The following NAV2 variants were observed in gnomAD, a reference collection of about 807,000 sequenced individuals.
NAV2 encodes the protein neuron navigator 2.
A neutral mutation model predicts 223.2 loss-of-function variants in NAV2; 54 were observed. The ratio of observed to expected loss-of-function variants is 0.24; its 90% confidence interval spans 0.19 to 0.30. The LOEUF (loss-of-function observed/expected upper bound fraction) is 0.30. NAV2 is among the 10% of genes least tolerant of loss of function. The pLI is 1.00. For missense variants in NAV2, 2,806 were observed against 3,147.5 expected (o/e 0.89, Z 2.60); for synonymous variants, 1,279 against 1,239.3 (o/e 1.03, Z -0.67).
At chr11:19,471,716 A>T (rs2041970774) in intron 1 of NAV2, among the ~76,000 whole-genome samples, 2 of 152,216 alleles carry the variant, frequency 1.3e-5, no homozygotes, top group African/African-American at 4.8e-5. Flanking sequence ...ATTTTCAACC[A>T]GCAAACAGTA....
At chr11:19,968,471 C>T (rs991069530) in intron 10 of NAV2, among the ~76,000 whole-genome samples, 3 of 152,138 alleles carry the variant, frequency 2.0e-5, no homozygotes, top group Admixed American at 6.6e-5. Flanking sequence ...CCACCCACCT[C>T]GGCCTCCCAG....
intron 1 of NAV2, among the ~76,000 whole-genome samples, chr11:19,557,716 G>A (rs773440072): frequency 9.2e-5 from 14 of 152,310 alleles, no homozygotes; most frequent in East Asian, 1.9e-4. Context: ...GATCCACACC[G>A]AACACAGAAC....
At chr11:19,624,415 T>C (rs1477850156) in intron 1 of NAV2, among the ~76,000 whole-genome samples, 1 of 152,168 alleles carries the variant, frequency 6.6e-6, no homozygotes, top group Non-Finnish European at 1.5e-5. Flanking sequence ...AGTTCGAGCT[T>C]CCTGGCCACT....
chr11:19,657,702 C>T (rs1020142462), intron 1 of NAV2, among the ~76,000 whole-genome samples: 6 of 152,122 alleles, frequency 3.9e-5, no homozygotes, highest in South Asian at 2.1e-4. Context: ...ACCCTCCAAA[C>T]GAAGATCATC....
At chr11:19,481,384 A>G (rs148651206) in intron 1 of NAV2, among the ~76,000 whole-genome samples, 78 of 152,244 alleles carry the variant, frequency 5.1e-4, no homozygotes, top group Middle Eastern at 6.8e-3. Context: ...GAGGACATCT[A>G]TACCAATGCT....
intron 6 of NAV2, among the ~76,000 whole-genome samples, chr11:19,901,400 A>G (rs2042434272): frequency 6.6e-6 from 1 of 152,176 alleles, no homozygotes; most frequent in Non-Finnish European, 1.5e-5. Flanking sequence ...TACAAAAATT[A>G]GCTGGGTGTG....
chr11:19,356,276 G>A (rs568368099), intron 1 of NAV2, among the ~76,000 whole-genome samples: 4 of 152,204 alleles, frequency 2.6e-5, no homozygotes, highest in Admixed American at 2.6e-4. Context: ...ATAGGGTCAG[G>A]GGGGAGGATG....
chr11:20,027,530 AGACAGAGGGGCGGGGGCT>A (rs989483849), intron 11 of NAV2: 1 of 918,116 alleles, frequency 1.1e-6, no homozygotes, highest in African/African-American at 1.8e-5. Context: ...GGAAAGAGGC[AGACAGAGGGGCGGGGGCT>A]GGCCCAGACT....
intron 1 of NAV2, among the ~76,000 whole-genome samples, chr11:19,397,418 T>TGTGTGTGTGTGTGTGTGTGCGCGC (rs57566081): frequency 5.5e-5 from 8 of 145,354 alleles, no homozygotes; most frequent in African/African-American, 2.1e-4. Context: ...TGTGTGTGTG[T>TGTGTGTGTGTGTGTGTGTGCGCGC]GCGCGCATGT....
intron 1 of NAV2, among the ~76,000 whole-genome samples, chr11:19,600,119 A>G (rs1405726104): frequency 6.6e-6 from 1 of 152,216 alleles, no homozygotes; most frequent in Non-Finnish European, 1.5e-5. Context: ...AGCTGGGCTC[A>G]ATCCCACAGG....
intron 11 of NAV2, among the ~76,000 whole-genome samples, chr11:19,987,767 G>C (rs1001369995): frequency 1.3e-5 from 2 of 152,156 alleles, no homozygotes; most frequent in African/African-American, 4.8e-5. Flanking sequence ...CACTCTTTAG[G>C]GTTGCCACTC....
chr11:19,823,558 C>G lies in NAV2; in HGVS notation c.268-8926C>G, dbSNP rs184421680. ...GTTTCACCATGTTGCCTAGGTTGGT[C>G]TTAAACTCCTGGGCTCAAGCAATCT... On this transcript the variant is annotated intron_variant, in intron 1 of 37. Transcript: ENST00000349880. Among the ~76,000 whole-genome samples, 293 of 152,234 alleles carry G rather than the reference C, an allele frequency of 1.9e-3. 1 individual carries two copies. Among genetic ancestry groups the G allele is most frequent in the Non-Finnish European group, 3.2e-3 (221 of 68,020 alleles).
chr11:19,935,333 C>T (rs2045750925), intron 7 of NAV2, among the ~76,000 whole-genome samples: 1 of 152,218 alleles, frequency 6.6e-6, no homozygotes, highest in African/African-American at 2.4e-5. Context: ...AGATGCACAG[C>T]TGTACACTCA....
intron 1 of NAV2, among the ~76,000 whole-genome samples, chr11:19,728,178 C>T (rs971964099): frequency 2.0e-5 from 3 of 152,228 alleles, no homozygotes; most frequent in African/African-American, 7.2e-5. Context: ...ACTTTGGCCA[C>T]TGGCATCACC....
At chr11:20,000,766 A>C (rs2052463718) in intron 11 of NAV2, among the ~76,000 whole-genome samples, 1 of 152,082 alleles carries the variant, frequency 6.6e-6, no homozygotes, top group Non-Finnish European at 1.5e-5. Context: ...CAGCTCTGAG[A>C]CTTCAGGTTT....
chr11:19,751,348 G>A (rs754736258), intron 1 of NAV2, among the ~76,000 whole-genome samples: 2 of 152,164 alleles, frequency 1.3e-5, no homozygotes, highest in Non-Finnish European at 2.9e-5. Context: ...TTAGACTGGA[G>A]ATGATGAGTA....
intron 5 of NAV2, among the ~76,000 whole-genome samples, chr11:19,883,873 G>A (rs1429882429): frequency 6.6e-6 from 1 of 152,154 alleles, no homozygotes; most frequent in Non-Finnish European, 1.5e-5. Context: ...CTTGTTTTGG[G>A]TCACCTTTAT....
At chr11:19,368,753 T>C (rs1049062716) in intron 1 of NAV2, among the ~76,000 whole-genome samples, 3 of 152,178 alleles carry the variant, frequency 2.0e-5, no homozygotes, top group Non-Finnish European at 4.4e-5. Context: ...CATGTATTTG[T>C]TGTCTGACTT....
chr11:19,441,456 A>G (rs1590209212), intron 1 of NAV2, among the ~76,000 whole-genome samples: 1 of 151,680 alleles, frequency 6.6e-6, no homozygotes, highest in African/African-American at 2.4e-5. Context: ...ACGCACACAC[A>G]CACACACACA....
Sources: gnomAD v4.1 joint callset for allele counts (sites outside exome capture counted in the v4.1 genomes callset) on GRCh38, gnomAD v4.1.1 for gene constraint, MANE v1.5 for transcripts, NCBI Gene and HGNC (gene_info 2026-07-23, HGNC 2026-07-21) for gene names.